DNAH7: variants seen among roughly 807,000 people sequenced by gnomAD.
DNAH7 encodes the protein axonemal beta dynein heavy chain 7.
A neutral mutation model predicts 444.6 loss-of-function variants in DNAH7; 397 were observed. The ratio of observed to expected loss-of-function variants is 0.89; its 90% confidence interval spans 0.82 to 0.97. DNAH7 has a LOEUF of 0.97. Among genes scored for constraint, DNAH7 ranks in the 50% least tolerant of loss-of-function variants. The pLI, the probability that DNAH7 is intolerant of heterozygous loss-of-function variation, is 0.00. For missense variants in DNAH7, 4,902 were observed against 4,800.8 expected (o/e 1.02, Z -0.62); for synonymous variants, 1,636 against 1,624.4 (o/e 1.01, Z -0.17).
chr2:195,912,661 G>C (rs1184312227), intron 24 of DNAH7, among the ~76,000 whole-genome samples: 1 of 152,216 alleles, frequency 6.6e-6, no homozygotes, highest in Non-Finnish European at 1.5e-5. Context: ...AACATCCCTT[G>C]GAAGATCTGG....
chr2:195,946,789 A>C (rs1689841419), intron 19 of DNAH7, among the ~76,000 whole-genome samples: 1 of 151,978 alleles, frequency 6.6e-6, no homozygotes, highest in Non-Finnish European at 1.5e-5. Context: ...GGAGGAGAGA[A>C]GTAGAGTGGG....
rs1691049833 is a variant in DNAH7 at position 195,960,912 on chromosome 2, C to A, written c.2239G>T (p.Gly747Cys). 1 of 1,606,450 alleles carries A rather than the reference C, an allele frequency of 6.2e-7. No homozygotes were observed. Among genetic ancestry groups the A allele is most frequent in the Non-Finnish European group, 8.5e-7 (1 of 1,175,014 alleles). The change falls in exon 18 of 65, where the codon GGT (glycine) becomes TGT (cysteine). Residue 747 changes from glycine to cysteine, a missense_variant. Transcript: ENST00000312428. ...TGAGGATATACAGATGGTAGCCAAC[C>A]AAATGCTTCCTCTTCAGCATTAAAC... is the stretch of plus-strand genomic sequence containing the variant. ...EQFNAEEEAF[G>C]WLPSVYPQRK...
At chr2:195,874,417 T>C (rs541453171) in intron 38 of DNAH7, among the ~76,000 whole-genome samples, 1 of 152,250 alleles carries the variant, frequency 6.6e-6, no homozygotes, top group East Asian at 1.9e-4. Flanking sequence ...TGTGATATTT[T>C]TAGAAAACAG....
intron 5 of DNAH7, among the ~76,000 whole-genome samples, chr2:196,028,621 A>T (rs907530757): frequency 1.3e-5 from 2 of 152,234 alleles, no homozygotes; most frequent in African/African-American, 2.4e-5. Context: ...ATATATGCCA[A>T]ATATGAGCCA....
chr2:195,908,892 T>C (rs997581714), intron 25 of DNAH7, among the ~76,000 whole-genome samples: 5 of 152,204 alleles, frequency 3.3e-5, no homozygotes, highest in Non-Finnish European at 5.9e-5. Flanking sequence ...AGATCAGTCA[T>C]ATTCCAGCCA....
intron 12 of DNAH7, chr2:195,998,774 A>G (rs1421612986): frequency 4.5e-6 from 1 of 221,442 alleles, no homozygotes; most frequent in African/African-American, 2.3e-5. Context: ...AGAGACTTCT[A>G]TTCATGGTAG....
intron 12 of DNAH7, among the ~76,000 whole-genome samples, chr2:195,991,816 A>C (rs1693358633): frequency 6.6e-6 from 1 of 152,354 alleles, no homozygotes; most frequent in Non-Finnish European, 1.5e-5. Context: ...ACTTAAAGTA[A>C]TGCAAAAACT....
intron 17 of DNAH7, among the ~76,000 whole-genome samples, chr2:195,966,313 T>C (rs1174853193): frequency 1.3e-5 from 2 of 152,204 alleles, no homozygotes; most frequent in South Asian, 2.1e-4. Context: ...TCAGAGAAGA[T>C]GCTTGATATC....
chr2:196,000,950 A>C (rs1693997253), intron 11 of DNAH7, 67 bp from the exon 12 acceptor site: 1 of 1,276,744 alleles, frequency 7.8e-7, no homozygotes, highest in Non-Finnish European at 1.0e-6. Flanking sequence ...GTAGTACACC[A>C]GTCCCAATTA....
At chr2:196,008,532 G>C (rs535910439) in intron 10 of DNAH7, among the ~76,000 whole-genome samples, 2 of 152,160 alleles carry the variant, frequency 1.3e-5, no homozygotes, top group Non-Finnish European at 2.9e-5. Context: ...CTGATGACTG[G>C]ATGAATAAAA....
chr2:195,868,740 T>C (rs1407148028), intron 40 of DNAH7, among the ~76,000 whole-genome samples: 2 of 151,344 alleles, frequency 1.3e-5, no homozygotes, highest in Non-Finnish European at 2.9e-5. Context: ...GGTCTTGTTT[T>C]TGCAGAATAT....
At chr2:196,054,881 C>A (rs1054415156) in intron 2 of DNAH7, among the ~76,000 whole-genome samples, 3 of 152,186 alleles carry the variant, frequency 2.0e-5, no homozygotes, top group African/African-American at 7.2e-5. Context: ...AGTTGCTTCC[C>A]TTTCCACGAT....
At chr2:195,927,740 C>G (rs1419417067) in intron 21 of DNAH7, among the ~76,000 whole-genome samples, 1 of 151,094 alleles carries the variant, frequency 6.6e-6, no homozygotes, top group Non-Finnish European at 1.5e-5. Flanking sequence ...TCTATGTTTA[C>G]CATATTATAT....
chr2:195,872,699 AG>A (rs2125130819), intron 39 of DNAH7, among the ~76,000 whole-genome samples: 1 of 152,272 alleles, frequency 6.6e-6, no homozygotes, highest in East Asian at 1.9e-4. Context: ...CTGTGAAATG[AG>A]CAGGGCCAGT....
At chr2:195,923,516 C>T (rs1024057997) in intron 23 of DNAH7, 79 bp downstream of exon 23, 16 of 1,357,412 alleles carry the variant, frequency 1.2e-5, no homozygotes, top group Non-Finnish European at 1.6e-5. Flanking sequence ...CTACTATTTC[C>T]CATGTGAGCA....
At chr2:196,058,601 A>T (rs1222714547) in intron 1 of DNAH7, among the ~76,000 whole-genome samples, 1 of 151,100 alleles carries the variant, frequency 6.6e-6, no homozygotes, top group Non-Finnish European at 1.5e-5. Context: ...CAATTGCATG[A>T]AATAGAATAA....
At chr2:195,848,686 C>T (rs184606224) in intron 46 of DNAH7, among the ~76,000 whole-genome samples, 1 of 152,240 alleles carries the variant, frequency 6.6e-6, no homozygotes, top group East Asian at 1.9e-4. Context: ...CTGTGGGAGG[C>T]AGTTTATATA....
chr2:195,986,157 G>A (rs1272126923), intron 14 of DNAH7, among the ~76,000 whole-genome samples: 1 of 152,140 alleles, frequency 6.6e-6, no homozygotes, highest in Non-Finnish European at 1.5e-5. Flanking sequence ...TCCATCTTGG[G>A]AGGAAATTAA....
intron 8 of DNAH7, among the ~76,000 whole-genome samples, chr2:196,021,149 T>G (rs1449272601): frequency 1.3e-5 from 2 of 152,096 alleles, no homozygotes; most frequent in African/African-American, 4.8e-5. Flanking sequence ...AAATCAAGCT[T>G]TTATGCCCCT....
Sources: allele counts gnomAD v4.1 joint callset (sites outside exome capture counted in the v4.1 genomes callset), GRCh38; gene constraint gnomAD v4.1.1; transcripts MANE v1.5; gene names NCBI Gene and HGNC (gene_info 2026-07-23, HGNC 2026-07-21).